TXNRD1: variants seen among roughly 807,000 people sequenced by gnomAD.
TXNRD1 encodes thioredoxin reductase 1, cytoplasmic.
A neutral mutation model predicts 80.3 loss-of-function variants in TXNRD1; 57 were observed. The observed-to-expected ratio is 0.71, with a 90% confidence interval of 0.57 to 0.89. TXNRD1 has a LOEUF of 0.89. Among genes scored for constraint, TXNRD1 ranks in the 40% least tolerant of loss-of-function variants. The pLI, the probability that TXNRD1 is intolerant of heterozygous loss-of-function variation, is 0.00. For synonymous variants in TXNRD1, 291 were observed against 285.2 expected, an observed-to-expected ratio of 1.02 and a Z score of -0.20; for missense variants, 730 against 803.0, an observed-to-expected ratio of 0.91 and a Z score of 1.10.
chr12:104,340,753 T>C (rs34350764), intron 16 of TXNRD1, among the ~76,000 whole-genome samples: 2,084 of 152,278 alleles, frequency 0.014, 33 homozygotes, highest in African/African-American at 0.048. Context: ...CTTGATTACA[T>C]CTGCAAATAC....
chr12:104,251,890 C>A (rs1023326758), intron 2 of TXNRD1, among the ~76,000 whole-genome samples: 6 of 151,802 alleles, frequency 4.0e-5, no homozygotes, highest in African/African-American at 1.5e-4. Flanking sequence ...ATGATGAAAC[C>A]CCATCTCTAC....
At chr12:104,291,017 C>T (rs774654079) in intron 4 of TXNRD1, 19 of 675,904 alleles carry the variant, frequency 2.8e-5, no homozygotes, top group South Asian at 2.6e-4. Flanking sequence ...TTATGTTGTC[C>T]AGGCTGGTCT....
intron 3 of TXNRD1, among the ~76,000 whole-genome samples, chr12:104,277,879 CTTT>C (rs140314717): frequency 1.4e-5 from 2 of 141,826 alleles, no homozygotes; most frequent in Non-Finnish European, 1.5e-5. Flanking sequence ...TGGCAAGATT[CTTT>C]TTTTTTTTTT....
At position 104,331,486 on chromosome 12, in the gene TXNRD1, A is replaced by T. The variant is rs1488258018; in HGVS notation, c.1543-48A>T. ...GACTTTTTTGAATACCTTTTTTTTTAAGTTATAACTTTGCCTATTATAACT... is the reference window on the plus strand; with the variant it reads ...GACTTTTTTGAATACCTTTTTTTTTTAGTTATAACTTTGCCTATTATAACT... On this transcript the variant is annotated intron_variant, in intron 13 of 16. Coordinates refer to ENST00000525566, the MANE Select transcript of TXNRD1 (RefSeq NM_001093771.3). 7 of 1,226,990 alleles carry T rather than the reference A, an allele frequency of 5.7e-6. No homozygotes were observed. In the Admixed American group the frequency reaches 7.6e-5, roughly 13 times the overall value. 76.0% of individuals were successfully genotyped at this position (1,226,990 alleles called of 1,614,324 possible).
intron 1 of TXNRD1, among the ~76,000 whole-genome samples, chr12:104,221,466 C>T (rs368590314): frequency 6.6e-6 from 1 of 152,058 alleles, no homozygotes; most frequent in Non-Finnish European, 1.5e-5. Flanking sequence ...TACAGGCATG[C>T]ACCACAACGC....
At chr12:104,234,938 T>C (rs776834978) in intron 1 of TXNRD1, among the ~76,000 whole-genome samples, 39 of 152,218 alleles carry the variant, frequency 2.6e-4, no homozygotes, top group Non-Finnish European at 4.3e-4. Context: ...CATTTGCAGT[T>C]TAAAATGGCT....
chr12:104,259,682 G>A (rs537865842), intron 3 of TXNRD1, among the ~76,000 whole-genome samples: 8 of 151,712 alleles, frequency 5.3e-5, no homozygotes, highest in African/African-American at 1.7e-4. Flanking sequence ...GTAGAGATGG[G>A]GTTTCTCCAT....
chr12:104,311,216 G>A, intron 4 of TXNRD1, 74 bp from the exon 5 acceptor site: 1 of 1,450,034 alleles, frequency 6.9e-7, no homozygotes, highest in Non-Finnish European at 9.2e-7. Context: ...TTTAAGAAAA[G>A]ATTTTCTTAC....
At chr12:104,266,424 G>A (rs375410101) in intron 3 of TXNRD1, among the ~76,000 whole-genome samples, 1 of 151,198 alleles carries the variant, frequency 6.6e-6, no homozygotes, top group African/African-American at 2.4e-5. Flanking sequence ...TACTAGGGAG[G>A]CTGAGGTAGG....
chr12:104,252,688 A>ATTTTT (rs2033150977), intron 2 of TXNRD1, among the ~76,000 whole-genome samples: 3 of 65,742 alleles, frequency 4.6e-5, no homozygotes, highest in African/African-American at 1.3e-4. Context: ...ATATATATAT[A>ATTTTT]TATTTTTTTT....
chr12:104,314,934 G>A (rs529161518), intron 6 of TXNRD1, among the ~76,000 whole-genome samples: 5 of 151,822 alleles, frequency 3.3e-5, no homozygotes, highest in South Asian at 2.1e-4. Context: ...GTAGAGACAG[G>A]GTTTCACCGT....
chr12:104,251,530 A>G lies in TXNRD1; in HGVS notation c.95A>G (p.Lys32Arg). ...TCCTTACTTCCATTACTTCTAGCTA[A>G]AGATCATCACCCTGGTAAAACTTTG... The part of the protein sequence containing the change: ...KNGDGRRRSA[K>R]DHHPGKTLPE... Residue 32 changes from lysine (K) to arginine (R), a missense_variant, in exon 2 of 17, where the codon AAA becomes AGA. Transcript: ENST00000525566. 6.2e-7 allele frequency: 1 copy of G among 1,613,660 alleles called. No individual in the cohort carries two copies. Among genetic ancestry groups the G allele is most frequent in the African/African-American group, 1.3e-5 (1 of 75,026 alleles).
intron 3 of TXNRD1, among the ~76,000 whole-genome samples, chr12:104,277,444 G>A (rs2033780502): frequency 6.6e-6 from 1 of 151,262 alleles, no homozygotes; most frequent in Non-Finnish European, 1.5e-5. Flanking sequence ...GTGTGCCTCT[G>A]GCCAGCTACT....
chr12:104,268,318 T>C (rs1394170041), intron 3 of TXNRD1, among the ~76,000 whole-genome samples: 1 of 150,480 alleles, frequency 6.6e-6, no homozygotes, highest in African/African-American at 2.4e-5. Context: ...GAGACCATCC[T>C]GGCTAACATG....
chr12:104,257,601 G>T (rs1320561230), intron 2 of TXNRD1, among the ~76,000 whole-genome samples: 2 of 151,964 alleles, frequency 1.3e-5, no homozygotes, highest in Non-Finnish European at 2.9e-5. Context: ...TAGAGACGGG[G>T]TTTCCCCATG....
intron 14 of TXNRD1, 69 bp from the exon 15 acceptor site, chr12:104,334,168 C>A: frequency 1.5e-6 from 1 of 658,208 alleles, no homozygotes. Context: ...TACTGTCTTT[C>A]ACCATATATG....
intron 3 of TXNRD1, chr12:104,284,446 C>G (rs1445598104): frequency 2.6e-5 from 4 of 152,142 alleles, no homozygotes; most frequent in African/African-American, 9.7e-5. Flanking sequence ...ATCATTCTAG[C>G]TCAGTATGGT....
chr12:104,255,071 G>A (rs1353447559), intron 2 of TXNRD1, among the ~76,000 whole-genome samples: 1 of 151,726 alleles, frequency 6.6e-6, no homozygotes, highest in Non-Finnish European at 1.5e-5. Context: ...GTGCCTCTAA[G>A]CTACAGCCTG....
intron 16 of TXNRD1, among the ~76,000 whole-genome samples, chr12:104,347,170 C>G (rs1265226759): frequency 6.7e-6 from 1 of 149,068 alleles, no homozygotes; most frequent in African/African-American, 2.4e-5. Flanking sequence ...CCTCTTTCTT[C>G]TTATAATGAT....
Sources: gnomAD v4.1 joint callset for allele counts (sites outside exome capture counted in the v4.1 genomes callset) on GRCh38, gnomAD v4.1.1 for gene constraint, MANE v1.5 for transcripts, NCBI Gene and HGNC (gene_info 2026-07-23, HGNC 2026-07-21) for gene names.